Variants in NBEA observed in about 807,000 individuals in gnomAD.
NBEA encodes the protein lysosomal-trafficking regulator 2.
In NBEA, 44 loss-of-function variants were observed where a neutral mutation model predicts 343.4. The ratio of observed to expected loss-of-function variants is 0.13; its 90% CI spans 0.10 to 0.16. NBEA has a LOEUF of 0.16. Among genes scored for constraint, NBEA ranks in the 10% least tolerant of loss-of-function variants. The probability of loss-of-function intolerance (pLI) is 1.00; values close to 1 mark genes in which losing one functional copy is unlikely to be tolerated. For synonymous variants in NBEA, 1,175 were observed against 1,238.7 expected (o/e 0.95, Z 1.08); for missense variants, 2,555 against 3,631.3 (o/e 0.70, Z 7.62).
chr13:35,234,092 G>A (rs148993192), intron 34 of NBEA, among the ~76,000 whole-genome samples: 2 of 152,260 alleles, frequency 1.3e-5, no homozygotes, highest in East Asian at 1.9e-4. Context: ...AAAAATGCCA[G>A]TCTCATGTGA....
intron 36 of NBEA, among the ~76,000 whole-genome samples, chr13:35,345,525 C>G (rs1470399864): frequency 6.6e-6 from 1 of 151,944 alleles, no homozygotes; most frequent in East Asian, 1.9e-4. Context: ...AACAACTTGA[C>G]TGTGAAAAAG....
At chr13:35,222,137 T>G (rs1381805059) in intron 33 of NBEA, among the ~76,000 whole-genome samples, 1 of 152,148 alleles carries the variant, frequency 6.6e-6, no homozygotes, top group Non-Finnish European at 1.5e-5. Flanking sequence ...TGGCTTGGTT[T>G]TTTTTAATCA....
At chr13:35,133,318 A>G (rs1486419273) in intron 17 of NBEA, among the ~76,000 whole-genome samples, 2 of 152,154 alleles carry the variant, frequency 1.3e-5, no homozygotes, top group Admixed American at 6.6e-5. Flanking sequence ...GCTTATCAGG[A>G]TGGTAAATTT....
intron 49 of NBEA, among the ~76,000 whole-genome samples, chr13:35,638,262 A>G (rs1834483517): frequency 6.6e-6 from 1 of 152,216 alleles, no homozygotes; most frequent in Admixed American, 6.5e-5. Context: ...TTTGTGTTAT[A>G]TATATTCTAC....
chr13:35,022,416 A>G (rs980598265), intron 1 of NBEA, among the ~76,000 whole-genome samples: 1 of 152,104 alleles, frequency 6.6e-6, no homozygotes, highest in East Asian at 1.9e-4. Context: ...GAAATTGCCA[A>G]TATGAATTAC....
intron 31 of NBEA, among the ~76,000 whole-genome samples, chr13:35,198,038 G>A (rs989831550): frequency 5.3e-5 from 8 of 152,066 alleles, no homozygotes; most frequent in African/African-American, 1.9e-4. Context: ...GTTTTAAAAA[G>A]TAAAAAATGG....
Position 35,320,162 on chromosome 13 carries a change from A to G in NBEA, c.5903+10570A>G, listed in dbSNP as rs148210112. ...ATGACGCTAGCTGGTTAATTTGCCC[A>G]TTAGTTGATGCTGTTTCTTCATAGT... On this transcript the variant is annotated intron_variant, in intron 36 of 58. Transcript: ENST00000379939. 1.4e-4 allele frequency among the ~76,000 whole-genome samples: 22 copies of G among 152,256 alleles called. No individual in the cohort carries two copies. In the East Asian group the frequency reaches 3.3e-3, roughly 23 times the overall value.
intron 10 of NBEA, among the ~76,000 whole-genome samples, chr13:35,073,615 G>A (rs550665492): frequency 1.2e-4 from 18 of 152,068 alleles, no homozygotes; most frequent in African/African-American, 4.3e-4. Context: ...ACTTTGATGA[G>A]TTTTTACTTT....
chr13:35,356,560 G>A (rs1161807670), intron 38 of NBEA, among the ~76,000 whole-genome samples: 1 of 152,086 alleles, frequency 6.6e-6, no homozygotes, highest in Non-Finnish European at 1.5e-5. Flanking sequence ...GTGCATGTAA[G>A]AATATTTATG....
intron 41 of NBEA, among the ~76,000 whole-genome samples, chr13:35,527,562 G>A (rs944052841): frequency 1.2e-4 from 18 of 152,198 alleles, no homozygotes; most frequent in African/African-American, 1.9e-4. Context: ...CCAAGGCGGC[G>A]GAGGGCTGGC....
chr13:35,292,675 A>G (rs1212100427), intron 35 of NBEA, among the ~76,000 whole-genome samples: 2 of 152,052 alleles, frequency 1.3e-5, no homozygotes, highest in African/African-American at 4.8e-5. Context: ...ACTAATAAAA[A>G]TAGTTGAAAA....
intron 42 of NBEA, 33 bp downstream of exon 42, chr13:35,550,627 G>A (rs12584746): frequency 0.064 from 85,765 of 1,340,858 alleles, 3,172 homozygotes; most frequent in South Asian, 0.088. Context: ...AAGAAAATGT[G>A]CTCATATTTA....
At chr13:34,967,194 C>G (rs118050901) in intron 1 of NBEA, among the ~76,000 whole-genome samples, 1,928 of 151,832 alleles carry the variant, frequency 0.013, 17 homozygotes, top group Middle Eastern at 0.041. Flanking sequence ...GGATTCTAAT[C>G]GTGTCTTTGC....
At chr13:35,484,382 A>G (rs2076236687) in intron 41 of NBEA, among the ~76,000 whole-genome samples, 1 of 151,740 alleles carries the variant, frequency 6.6e-6, no homozygotes, top group Non-Finnish European at 1.5e-5. Flanking sequence ...CATTTGATAA[A>G]CAAAATGTAT....
At chr13:35,054,126 C>G (rs932585153) in intron 6 of NBEA, among the ~76,000 whole-genome samples, 1 of 151,958 alleles carries the variant, frequency 6.6e-6, no homozygotes, top group African/African-American at 2.4e-5. Context: ...GGCAGGAAAT[C>G]TTTTCCTATA....
At chr13:34,968,947 GTT>G (rs1282778004) in intron 1 of NBEA, among the ~76,000 whole-genome samples, 1 of 132,820 alleles carries the variant, frequency 7.5e-6, no homozygotes, top group East Asian at 1.9e-4. Context: ...AAGGACTTCA[GTT>G]AAGTCCTCTT....
At chr13:35,424,403 T>A (rs190668140) in intron 38 of NBEA, among the ~76,000 whole-genome samples, 40 of 152,354 alleles carry the variant, frequency 2.6e-4, no homozygotes, top group African/African-American at 9.4e-4. Context: ...TCTATTGAGA[T>A]AATCATTTGG....
At chr13:35,449,912 T>C (rs1237415217) in intron 39 of NBEA, among the ~76,000 whole-genome samples, 1 of 152,188 alleles carries the variant, frequency 6.6e-6, no homozygotes, top group Non-Finnish European at 1.5e-5. Context: ...GCATTAACCA[T>C]GTGCTCTAAA....
chr13:35,611,651 A>G (rs940057009), intron 48 of NBEA, among the ~76,000 whole-genome samples: 4 of 152,196 alleles, frequency 2.6e-5, no homozygotes, highest in African/African-American at 9.7e-5. Flanking sequence ...TGTGTATTTC[A>G]TATAAAAGGA....
Sources: allele counts gnomAD v4.1 joint callset (sites outside exome capture counted in the v4.1 genomes callset), GRCh38; gene constraint gnomAD v4.1.1; transcripts MANE v1.5; gene names NCBI Gene and HGNC (gene_info 2026-07-23, HGNC 2026-07-21).